CENPP: variants seen among roughly 807,000 people sequenced by gnomAD.
CENPP encodes the protein centromere protein P.
In CENPP, 24 loss-of-function variants were observed where a neutral mutation model predicts 35.6. The observed-to-expected ratio is 0.67, with a 90% CI of 0.49 to 0.95. CENPP has a LOEUF of 0.95. Ranked by LOEUF, CENPP falls within the 40% of genes least tolerant of loss-of-function variation. The pLI, the probability that CENPP is intolerant of heterozygous loss-of-function variation, is 0.00. For missense variants in CENPP, 332 were observed against 345.3 expected (o/e 0.96, Z 0.31); for synonymous variants, 120 against 125.5 (o/e 0.96, Z 0.29).
In CENPP at chr9:92,416,068, A is replaced by ATATATT. The variant is rs1275784821; in HGVS notation, c.564+36212_564+36213insATTTAT. Among the ~76,000 whole-genome samples, 785 of 136,982 alleles carry ATATATT rather than the reference A, an allele frequency of 5.7e-3. 23 individuals are homozygous for ATATATT. The East Asian group carries it at 0.065, about 11-fold the overall frequency. 89.9% of individuals were successfully genotyped at this position (136,982 alleles called of 152,430 possible). On this transcript the variant is annotated intron_variant, in intron 5 of 7. Transcript: ENST00000375587. ...ATATTATATATGTGTGTATATATATATATTTATTTATTTATTTATTTATTT... is the reference window on the plus strand; with the variant it reads ...ATATTATATATGTGTGTATATATATATATATTTATTTATTTATTTATTTATTTATTT...
chr9:92,579,225 C>T (rs1303235405), intron 5 of CENPP, among the ~76,000 whole-genome samples: 8 of 148,432 alleles, frequency 5.4e-5, no homozygotes, highest in African/African-American at 1.7e-4. Context: ...AGTTTGAAGT[C>T]AGGTAGTGTG....
chr9:92,617,729 A>C lies in CENPP; in HGVS notation c.*4580A>C, dbSNP rs1851488379. ...TGCTGGGGATCGGGGTGGAGAAGCC[A>C]AGGCCGCACACTGTGTTTCAAATGG... On this transcript the variant is annotated 3_prime_UTR_variant, in exon 8 of 8. Coordinates refer to ENST00000375587, the MANE Select transcript of CENPP (RefSeq NM_001012267.3). 6.3e-6 allele frequency: 1 copy of C among 159,392 alleles called. No homozygotes were observed. The highest frequency in any genetic ancestry group is 1.4e-5 in the Non-Finnish European group (1 of 72,430). 9.9% of individuals were successfully genotyped at this position (159,392 alleles called of 1,614,324 possible).
chr9:92,449,671 G>A (rs376536250), intron 5 of CENPP, among the ~76,000 whole-genome samples: 3 of 151,956 alleles, frequency 2.0e-5, no homozygotes, highest in Non-Finnish European at 2.9e-5. Context: ...GGATCATGGG[G>A]GCGGATTTTC....
chr9:92,452,977 G>C (rs1450574660), intron 5 of CENPP, among the ~76,000 whole-genome samples: 1 of 152,110 alleles, frequency 6.6e-6, no homozygotes, highest in Non-Finnish European at 1.5e-5. Context: ...GCGTCTATTT[G>C]AATCTTCTCT....
At chr9:92,464,760 A>G (rs1246983613) in intron 5 of CENPP, 2 of 713,876 alleles carry the variant, frequency 2.8e-6, no homozygotes, top group East Asian at 2.7e-5. Flanking sequence ...AAGGCACTAC[A>G]TATGGCATTT....
chr9:92,501,005 C>A lies in CENPP; in HGVS notation c.565-110309C>A, dbSNP rs199713916. 395 of 1,614,004 alleles carry A rather than the reference C, an allele frequency of 2.4e-4. 1 individual carries two copies. Among genetic ancestry groups the A allele is most frequent in the Non-Finnish European group, 1.6e-4 (183 of 1,180,002 alleles). ...GCAGCAAGGACTTGGGTAGATAGGA[C>A]GGGACGTGATAGAGCTTGTTGTAGG... On this transcript the variant is annotated intron_variant, in intron 5 of 7. Coordinates refer to ENST00000375587, the MANE Select transcript of CENPP (RefSeq NM_001012267.3).
chr9:92,613,200 A>T lies in CENPP; in HGVS notation c.*51A>T, dbSNP rs1851324838. 1.9e-6 allele frequency: 3 copies of T among 1,608,902 alleles called. No homozygotes were observed. The highest frequency in any genetic ancestry group is 1.7e-5 in the Admixed American group (1 of 59,904). ...GAAGATGCTGCGTGGAGGAACATGC[A>T]ATTTTATTCAATATAAACATTTGCT... On this transcript the variant is annotated 3_prime_UTR_variant, in exon 8 of 8. Transcript: ENST00000375587.
At chr9:92,450,493 C>T (rs1844677094) in intron 5 of CENPP, among the ~76,000 whole-genome samples, 1 of 152,098 alleles carries the variant, frequency 6.6e-6, no homozygotes, top group Admixed American at 6.6e-5. Flanking sequence ...TCCAGTCTAT[C>T]ATTGTTGGAC....
At chr9:92,567,408 A>ATAT (rs1588282242) in intron 5 of CENPP, among the ~76,000 whole-genome samples, 2 of 147,582 alleles carry the variant, frequency 1.4e-5, no homozygotes, top group African/African-American at 2.5e-5. Flanking sequence ...ATATATATAT[A>ATAT]AAGTGGTTAG....
chr9:92,417,349 A>G, intron 5 of CENPP: 1 of 1,614,080 alleles, frequency 6.2e-7, no homozygotes, highest in Non-Finnish European at 8.5e-7. Flanking sequence ...ATGGAAAGTT[A>G]GTTGGACAGA....
At chr9:92,517,739 G>C (rs1384544815) in intron 5 of CENPP, 4 of 1,614,170 alleles carry the variant, frequency 2.5e-6, no homozygotes, top group Non-Finnish European at 3.4e-6. Context: ...CTGTTTGGGG[G>C]CACCTCTGGG....
intron 5 of CENPP, among the ~76,000 whole-genome samples, chr9:92,434,387 T>C (rs1237111987): frequency 2.0e-5 from 2 of 100,454 alleles, no homozygotes; most frequent in Non-Finnish European, 3.9e-5. Flanking sequence ...AGACTCTGTC[T>C]CAAAAAAAAA....
intron 5 of CENPP, among the ~76,000 whole-genome samples, chr9:92,380,464 C>T (rs1426797385): frequency 1.5e-5 from 2 of 131,016 alleles, no homozygotes; most frequent in Non-Finnish European, 3.2e-5. Context: ...TTCTGAAAGT[C>T]AACTTAAATA....
At chr9:92,603,309 A>G (rs940274762) in intron 5 of CENPP, among the ~76,000 whole-genome samples, 3 of 152,244 alleles carry the variant, frequency 2.0e-5, no homozygotes, top group Non-Finnish European at 2.9e-5. Flanking sequence ...TAATGTGTGA[A>G]GAACCTAGAC....
At chr9:92,505,624 A>G (rs1232368330) in intron 5 of CENPP, 1 of 1,610,898 alleles carries the variant, frequency 6.2e-7, no homozygotes, top group Non-Finnish European at 8.5e-7. Flanking sequence ...TTTGAAAGCT[A>G]AAGGATTGAC....
chr9:92,444,772 G>C (rs1442685364), intron 5 of CENPP, among the ~76,000 whole-genome samples: 1 of 152,188 alleles, frequency 6.6e-6, no homozygotes, highest in Admixed American at 6.5e-5. Flanking sequence ...GCAGTGGGGA[G>C]AGGGCGTGTG....
intron 4 of CENPP, among the ~76,000 whole-genome samples, chr9:92,353,550 A>C (rs1289063110): frequency 6.6e-6 from 1 of 152,166 alleles, no homozygotes; most frequent in Admixed American, 6.5e-5. Context: ...GAATGATTTC[A>C]TCTTGATAGT....
At chr9:92,537,758 CAG>C (rs1034611266) in intron 5 of CENPP, among the ~76,000 whole-genome samples, 1 of 152,170 alleles carries the variant, frequency 6.6e-6, no homozygotes, top group Non-Finnish European at 1.5e-5. Context: ...GTCAATAAAA[CAG>C]AAGAGGAAGA....
At chr9:92,589,919 TTTA>T (rs1237399001) in intron 5 of CENPP, among the ~76,000 whole-genome samples, 1 of 152,166 alleles carries the variant, frequency 6.6e-6, no homozygotes, top group Non-Finnish European at 1.5e-5. Context: ...TTATGATGTT[TTTA>T]TTATGTTTAA....
Sources: allele counts gnomAD v4.1 joint callset (sites outside exome capture counted in the v4.1 genomes callset), GRCh38; gene constraint gnomAD v4.1.1; transcripts MANE v1.5; gene names NCBI Gene and HGNC (gene_info 2026-07-23, HGNC 2026-07-21).